The following INSIG2 variants were observed in gnomAD, a reference collection of about 807,000 sequenced individuals.
The protein encoded by INSIG2 is insulin induced gene 2.
Under a neutral mutation model 27.2 loss-of-function variants are expected in INSIG2, and 10 were observed. The observed-to-expected ratio is 0.37, with a 90% confidence interval of 0.23 to 0.62. INSIG2 has a LOEUF of 0.62. Among genes scored for constraint, INSIG2 ranks in the 20% least tolerant of loss-of-function variants. INSIG2 has a pLI of 0.65. For synonymous variants in INSIG2, 97 were observed against 95.8 expected (o/e 1.01, Z -0.07); for missense variants, 178 against 270.2 (o/e 0.66, Z 2.39).
At chr2:118,092,175 C>G (rs368192691) in intron 1 of INSIG2, among the ~76,000 whole-genome samples, 1 of 152,152 alleles carries the variant, frequency 6.6e-6, no homozygotes, top group South Asian at 2.1e-4. Flanking sequence ...ACAAATGATA[C>G]GCTGTCTCAA....
Position 118,096,795 on chromosome 2 carries a change from C to G in INSIG2, c.239C>G (p.Ala80Gly). 1 of 1,612,414 alleles carries G rather than the reference C, an allele frequency of 6.2e-7. No homozygotes were observed. Among genetic ancestry groups the G allele is most frequent in the Non-Finnish European group, 8.5e-7 (1 of 1,179,948 alleles). ...TGGGTACCCCCATGCTGTGGCACGG[C>G]TTCAGGTATGTGTAGGATGTTTCTG... The part of the protein sequence containing the change: ...AWWVPPCCGT[A>G]SAVIGLLYPC... Residue 80 changes from alanine (A) to glycine (G), a missense_variant, in exon 2 of 6, where the codon GCT becomes GGT. Physicochemically the swap from Ala to Gly is moderately conservative, Grantham distance 60. Transcript: ENST00000245787.
chr2:118,090,478 GTAA>G (rs1170780628), intron 1 of INSIG2, among the ~76,000 whole-genome samples: 1 of 152,146 alleles, frequency 6.6e-6, no homozygotes, highest in Non-Finnish European at 1.5e-5. Context: ...TAACCTGAAA[GTAA>G]TAATATCAAT....
chr2:118,107,379 GA>G (rs1411504025), intron 5 of INSIG2, among the ~76,000 whole-genome samples, 190 bp downstream of exon 5: 3 of 152,200 alleles, frequency 2.0e-5, no homozygotes, highest in African/African-American at 4.8e-5. Flanking sequence ...CCACTGGAGA[GA>G]AAAACTCAAA....
intron 1 of INSIG2, 25 bp from the exon 2 acceptor site, chr2:118,096,394 A>C (rs1678404337): frequency 1.6e-6 from 1 of 611,426 alleles, no homozygotes; most frequent in African/African-American, 1.9e-5. Context: ...ATACACATTA[A>C]TTTCTTTTTT....
chr2:118,106,168 A>G (rs1455134577), intron 3 of INSIG2, among the ~76,000 whole-genome samples: 1 of 152,216 alleles, frequency 6.6e-6, no homozygotes, highest in Non-Finnish European at 1.5e-5. Context: ...CATAATAGAA[A>G]GGGATACTGT....
chr2:118,090,009 A>G (rs868136620), intron 1 of INSIG2, among the ~76,000 whole-genome samples: 5 of 152,320 alleles, frequency 3.3e-5, no homozygotes, highest in Middle Eastern at 3.4e-3. Flanking sequence ...TTTTCTTCCT[A>G]GAAATTTTTA....
At chr2:118,092,175 C>T (rs368192691) in intron 1 of INSIG2, among the ~76,000 whole-genome samples, 7 of 152,152 alleles carry the variant, frequency 4.6e-5, no homozygotes, top group South Asian at 2.1e-4. Context: ...ACAAATGATA[C>T]GCTGTCTCAA....
Position 118,110,692 on chromosome 2 carries a change from A to G in INSIG2, c.*2370A>G, listed in dbSNP as rs570978774. The G allele has an allele frequency of 2.0e-5, 3 of 152,322 alleles. No individual in the cohort carries two copies. Among genetic ancestry groups the G allele is most frequent in the Admixed American group, 1.3e-4 (2 of 15,310 alleles). 9.4% of individuals were successfully genotyped at this position (152,322 alleles called of 1,614,324 possible). A position where few individuals can be genotyped will look rare whatever the true frequency, so the allele number is the denominator to read the frequency against. ...AAATGTATAGAACCTATTTTTTTCA[A>G]TGAAAGAAAATGGGAAACATTTTTT... On this transcript the variant is annotated 3_prime_UTR_variant, in exon 6 of 6. Coordinates refer to ENST00000245787, the MANE Select transcript of INSIG2 (RefSeq NM_016133.4).
intron 2 of INSIG2, among the ~76,000 whole-genome samples, chr2:118,100,784 T>C (rs1678526612): frequency 6.6e-6 from 1 of 152,208 alleles, no homozygotes; most frequent in Non-Finnish European, 1.5e-5. Context: ...GAAGTATACC[T>C]CATGGAGTGT....
chr2:118,106,328 GA>G (rs1678671896), intron 3 of INSIG2, among the ~76,000 whole-genome samples: 2 of 152,218 alleles, frequency 1.3e-5, no homozygotes, highest in South Asian at 4.1e-4. Context: ...ACCTGTTGGA[GA>G]AGTAATATTG....
rs748450266 is a variant in INSIG2 at position 118,106,799 on chromosome 2, G to A, written c.432G>A (p.Leu144=). The change falls in exon 4 of 6, where the codon CTG becomes CTA. Residue 144 remains leucine, a synonymous_variant. Transcript: ENST00000245787. ...SLTLAALSIG[L]WWTFDRSRSG... is the part of the protein sequence containing the mutation. Reference sequence around the variant, plus strand: ...CACTGGCTGCACTATCCATTGGACTGTGGTGGACTTTTGATAGATCTAGAA... The same window carrying A: ...CACTGGCTGCACTATCCATTGGACTATGGTGGACTTTTGATAGATCTAGAA... 5 of 1,614,096 alleles carry A rather than the reference G, an allele frequency of 3.1e-6. No homozygotes were observed. In the African/African-American group the frequency reaches 4.0e-5, roughly 13 times the overall value.
Position 118,096,433 on chromosome 2 carries a change from C to G in INSIG2, c.-124C>G. ...ATCTCTTGCAGGATTTCTGGTAGGT[C>G]CTACTTTAGGACAAGATGTGGTACC... On this transcript the variant is annotated 5_prime_UTR_variant, in exon 2 of 6. Transcript: ENST00000245787. The G allele has an allele frequency of 1.1e-6, 1 of 900,490 alleles. No individual in the cohort carries two copies. The highest frequency in any genetic ancestry group is 1.7e-6 in the Non-Finnish European group (1 of 605,548). 55.8% of individuals were successfully genotyped at this position (900,490 alleles called of 1,614,324 possible). A position where few individuals can be genotyped will look rare whatever the true frequency, so the allele number is the denominator to read the frequency against.
chr2:118,097,199 A>G (rs531688072), intron 2 of INSIG2, among the ~76,000 whole-genome samples: 65 of 152,276 alleles, frequency 4.3e-4, no homozygotes, highest in African/African-American at 1.3e-3. Context: ...AACTTTTAAC[A>G]TTTAATTCTG....
intron 5 of INSIG2, 38 bp downstream of exon 5, chr2:118,107,227 C>A: frequency 2.1e-6 from 3 of 1,415,024 alleles, no homozygotes; most frequent in Non-Finnish European, 3.0e-6. Flanking sequence ...AGATGTGGAA[C>A]AAATGACAAG....
At chr2:118,098,592 G>A (rs776418776) in intron 2 of INSIG2, among the ~76,000 whole-genome samples, 2 of 152,294 alleles carry the variant, frequency 1.3e-5, no homozygotes, top group Non-Finnish European at 1.5e-5. Flanking sequence ...ATTCCCTGGC[G>A]TGTGTTGTGC....
At chr2:118,104,781 G>T (rs1322392490) in intron 3 of INSIG2, among the ~76,000 whole-genome samples, 1 of 152,126 alleles carries the variant, frequency 6.6e-6, no homozygotes, top group African/African-American at 2.4e-5. Context: ...TCTCTGTCCG[G>T]TGGATTAGAT....
Position 118,106,717 on chromosome 2 carries a change from C to A in INSIG2, c.370-20C>A, listed in dbSNP as rs776554203. On this transcript the variant is annotated intron_variant, in intron 3 of 5. Transcript: ENST00000245787. ...TATTTGGTTACAACTTTTAAGATGA[C>A]TTCTTAACACTGATCTCAGAAAGTG... The A allele has an allele frequency of 1.2e-6, 2 of 1,600,300 alleles. No homozygotes were observed. The highest frequency in any genetic ancestry group is 1.7e-6 in the Non-Finnish European group (2 of 1,170,890).
At chr2:118,090,284 A>T (rs1678193844) in intron 1 of INSIG2, among the ~76,000 whole-genome samples, 1 of 152,162 alleles carries the variant, frequency 6.6e-6, no homozygotes, top group Admixed American at 6.5e-5. Flanking sequence ...TTGGAAGAGG[A>T]ATGGTCTTGT....
At position 118,096,478 on chromosome 2, in the gene INSIG2, A is replaced by G. The variant is rs1258010079; in HGVS notation, c.-79A>G. On this transcript the variant is annotated 5_prime_UTR_variant, in exon 2 of 6. Coordinates refer to ENST00000245787, the MANE Select transcript of INSIG2 (RefSeq NM_016133.4). ...GGTACCGTTGAAGCGTCAGTCTTTG[A>G]TTCACAGACAGTTGAGCTTTTCAGC... 1 of 1,441,934 alleles carries G rather than the reference A, an allele frequency of 6.9e-7. No homozygotes were observed. The highest frequency in any genetic ancestry group is 9.3e-7 in the Non-Finnish European group (1 of 1,072,530). The allele number at this position is 1,441,934 out of a possible 1,614,324, so 89.3% of individuals were successfully genotyped here.
Sources: gnomAD v4.1 joint callset for allele counts (sites outside exome capture counted in the v4.1 genomes callset) on GRCh38, gnomAD v4.1.1 for gene constraint, MANE v1.5 for transcripts, NCBI Gene and HGNC (gene_info 2026-07-23, HGNC 2026-07-21) for gene names.